UBQLN1: variants seen among roughly 807,000 people sequenced by gnomAD.
UBQLN1 encodes ubiquilin 1, also known as ubiquilin-1.
In UBQLN1, 13 loss-of-function variants were observed where a neutral mutation model predicts 65.4. That is an observed-to-expected ratio of 0.20 (90% CI 0.13 to 0.32). The LOEUF is 0.32. Ranked by LOEUF, UBQLN1 falls within the 10% of genes least tolerant of loss-of-function variation. UBQLN1 has a pLI of 1.00. For synonymous variants in UBQLN1, 267 were observed against 247.8 expected (o/e 1.08, Z -0.73); for missense variants, 561 against 724.0 (o/e 0.77, Z 2.58).
intron 1 of UBQLN1, among the ~76,000 whole-genome samples, chr9:83,692,643 G>A (rs1045415990): frequency 9.2e-5 from 14 of 152,194 alleles, no homozygotes; most frequent in Middle Eastern, 6.8e-3. Flanking sequence ...ACCTGAGGTC[G>A]GCAGTTTGAG....
At chr9:83,685,657 GATT>G (rs1832028704) in intron 2 of UBQLN1, among the ~76,000 whole-genome samples, 1 of 149,852 alleles carries the variant, frequency 6.7e-6, no homozygotes, top group South Asian at 2.1e-4. Flanking sequence ...AAAGAAATAT[GATT>G]ATCAATTCGT....
chr9:83,669,849 A>G (rs915533346), intron 6 of UBQLN1, among the ~76,000 whole-genome samples: 4 of 152,180 alleles, frequency 2.6e-5, no homozygotes, highest in Non-Finnish European at 4.4e-5. Flanking sequence ...ATTTGAAACC[A>G]TAGAGCACAG....
intron 1 of UBQLN1, among the ~76,000 whole-genome samples, chr9:83,696,482 TAAG>T (rs1832218108): frequency 6.6e-6 from 1 of 151,760 alleles, no homozygotes; most frequent in African/African-American, 2.4e-5. Flanking sequence ...AAAAACCCAA[TAAG>T]AAAAATAGCT....
chr9:83,693,093 T>G (rs958348252), intron 1 of UBQLN1, among the ~76,000 whole-genome samples: 5 of 152,158 alleles, frequency 3.3e-5, no homozygotes, highest in Admixed American at 2.0e-4. Flanking sequence ...TAACCTACAA[T>G]AACTACAGGC....
intron 6 of UBQLN1, 50 bp from the exon 7 acceptor site, chr9:83,669,377 A>G: frequency 1.3e-6 from 2 of 1,512,548 alleles, no homozygotes; most frequent in Non-Finnish European, 1.8e-6. Flanking sequence ...TACTTAAACA[A>G]AAGTTAAAGC....
intron 6 of UBQLN1, among the ~76,000 whole-genome samples, chr9:83,670,545 A>G (rs1041926254): frequency 6.6e-6 from 1 of 151,578 alleles, no homozygotes; most frequent in African/African-American, 2.4e-5. Context: ...CCTTCGGTCT[A>G]AAAAAAAACT....
At chr9:83,688,551 A>G (rs1385759148) in intron 1 of UBQLN1, among the ~76,000 whole-genome samples, 3 of 152,066 alleles carry the variant, frequency 2.0e-5, no homozygotes, top group Non-Finnish European at 4.4e-5. Flanking sequence ...TAGGATTTGA[A>G]GGTAAGATAC....
chr9:83,700,318 C>T (rs1832289954), intron 1 of UBQLN1, among the ~76,000 whole-genome samples: 1 of 151,864 alleles, frequency 6.6e-6, no homozygotes, highest in Non-Finnish European at 1.5e-5. Flanking sequence ...AGGAAGCTTC[C>T]ACAAAAGGAC....
intron 1 of UBQLN1, among the ~76,000 whole-genome samples, chr9:83,688,213 C>T (rs1181462959): frequency 6.6e-6 from 1 of 152,118 alleles, no homozygotes; most frequent in Admixed American, 6.5e-5. Flanking sequence ...TACTACTATG[C>T]CAGTTCTCTT....
intron 6 of UBQLN1, among the ~76,000 whole-genome samples, chr9:83,669,974 G>A (rs1005424527): frequency 1.3e-5 from 2 of 152,138 alleles, no homozygotes; most frequent in African/African-American, 4.8e-5. Context: ...TCTGTAAAAT[G>A]GAGAAAGCAG....
At chr9:83,674,215 A>C (rs901978531) in intron 6 of UBQLN1, among the ~76,000 whole-genome samples, 3 of 152,116 alleles carry the variant, frequency 2.0e-5, no homozygotes, top group Non-Finnish European at 4.4e-5. Context: ...GTATATACCA[A>C]TCATGCCAGA....
chr9:83,685,256 C>T (rs766894787), intron 2 of UBQLN1, among the ~76,000 whole-genome samples: 1 of 152,026 alleles, frequency 6.6e-6, no homozygotes, highest in Non-Finnish European at 1.5e-5. Flanking sequence ...GGAGAAAATA[C>T]TGGAGAGCTC....
At chr9:83,681,518 A>T (rs902253393) in intron 3 of UBQLN1, among the ~76,000 whole-genome samples, 7 of 152,242 alleles carry the variant, frequency 4.6e-5, no homozygotes, top group Non-Finnish European at 1.0e-4. Context: ...AGAAGAAGAG[A>T]TAACACTTAA....
rs1832073040 is a variant in UBQLN1 at position 83,688,352 on chromosome 9, G to C, written c.181-2197C>G. On this transcript the variant is annotated intron_variant, in intron 1 of 10. Coordinates refer to ENST00000376395, the MANE Select transcript of UBQLN1 (RefSeq NM_013438.5). Reference sequence around the variant, plus strand: ...AACTGGTAGTTAGGATTCAAACTTAGATTTGACTTCAAAGACAAACCTATC... The same window carrying C: ...AACTGGTAGTTAGGATTCAAACTTACATTTGACTTCAAAGACAAACCTATC... Among the ~76,000 whole-genome samples, 3 of 152,134 alleles carry C rather than the reference G, an allele frequency of 2.0e-5. No homozygotes were observed. The South Asian group carries it at 6.2e-4, about 32-fold the overall frequency.
intron 1 of UBQLN1, among the ~76,000 whole-genome samples, chr9:83,700,535 T>C (rs543896193): frequency 6.6e-6 from 1 of 152,302 alleles, no homozygotes; most frequent in African/African-American, 2.4e-5. Flanking sequence ...TTAGTTGTGA[T>C]GAATTCTTAT....
intron 2 of UBQLN1, among the ~76,000 whole-genome samples, 188 bp downstream of exon 2, chr9:83,685,816 T>C (rs1381908651): frequency 6.6e-6 from 1 of 152,216 alleles, no homozygotes; most frequent in Non-Finnish European, 1.5e-5. Context: ...GAAATGGTTA[T>C]CTGACAATCA....
At chr9:83,700,517 T>C (rs140114905) in intron 1 of UBQLN1, among the ~76,000 whole-genome samples, 95 of 152,312 alleles carry the variant, frequency 6.2e-4, no homozygotes, top group African/African-American at 2.2e-3. Context: ...CACATAAATA[T>C]ACAATTTTTA....
rs1831553880 is a variant in UBQLN1, at chr9:83,661,004, A to G, written c.*783T>C. ...GTTCCTTCAGTCTGCACAAAGATTAAGGTAATTTACAGTCAATCTGTGAAT... is the reference window on the plus strand; with the variant it reads ...GTTCCTTCAGTCTGCACAAAGATTAGGGTAATTTACAGTCAATCTGTGAAT... On this transcript the variant is annotated 3_prime_UTR_variant, in exon 11 of 11. Transcript: ENST00000376395. 1 of 152,180 alleles carries G rather than the reference A, an allele frequency of 6.6e-6. No individual in the cohort carries two copies. Among genetic ancestry groups the G allele is most frequent in the Non-Finnish European group, 1.5e-5 (1 of 68,032 alleles). The allele number at this position is 152,180 out of a possible 1,614,324, so 9.4% of individuals were successfully genotyped here.
intron 10 of UBQLN1, among the ~76,000 whole-genome samples, chr9:83,663,120 GGGGGAA>G (rs1831588242): frequency 6.7e-6 from 1 of 150,286 alleles, no homozygotes; most frequent in Non-Finnish European, 1.5e-5. Context: ...AAAGGGGAAA[GGGGGAA>G]GGGGAAGAGG....
Sources: gnomAD v4.1 joint callset for allele counts (sites outside exome capture counted in the v4.1 genomes callset) on GRCh38, gnomAD v4.1.1 for gene constraint, MANE v1.5 for transcripts, NCBI Gene and HGNC (gene_info 2026-07-23, HGNC 2026-07-21) for gene names.